Variants in DYNC2I1 observed in about 807,000 individuals in gnomAD.
DYNC2I1 encodes the protein dynein 2 intermediate chain 1, also known as cytoplasmic dynein 2 intermediate chain 1.
In DYNC2I1, 89 loss-of-function variants were observed where a neutral mutation model predicts 133.4. That is an observed-to-expected ratio of 0.67 (90% CI 0.56 to 0.80). DYNC2I1 has a LOEUF of 0.80. Among genes scored for constraint, DYNC2I1 ranks in the 30% least tolerant of loss-of-function variants. The pLI is 0.00. For synonymous variants in DYNC2I1, 504 were observed against 484.3 expected (o/e 1.04, Z -0.54); for missense variants, 1,291 against 1,314.5 (o/e 0.98, Z 0.28).
At position 158,934,205 on chromosome 7, in the gene DYNC2I1, C is replaced by T; in HGVS notation, c.2623C>T (p.His875Tyr). 3 of 1,612,336 alleles carry T rather than the reference C, an allele frequency of 1.9e-6. No individual in the cohort carries two copies. The highest frequency in any genetic ancestry group is 2.5e-6 in the Non-Finnish European group (3 of 1,179,438). Residue 875 changes from histidine to tyrosine, a missense_variant, in exon 22 of 25, where the codon CAC becomes TAC. His to Tyr is a moderately conservative substitution (Grantham distance 83). Coordinates refer to ENST00000407559, the MANE Select transcript of DYNC2I1 (RefSeq NM_018051.5). The part of the protein sequence containing the change: ...NVKFLPSDPN[H>Y]FIIGTDMGLI... The stretch of plus-strand genomic sequence containing the variant: ...TAAATTTCTGCCTTCAGATCCTAAT[C>T]ACTTTATTATTGGCACAGACATGGT...
At position 158,926,213 on chromosome 7, in the gene DYNC2I1, C is replaced by G; in HGVS notation, c.2284C>G (p.Arg762Gly). 6.2e-7 allele frequency: 1 copy of G among 1,613,402 alleles called. No individual in the cohort carries two copies. The highest frequency in any genetic ancestry group is 8.5e-7 in the Non-Finnish European group (1 of 1,179,694). ...TDGILTSVNH[R>G]SPLQAVEPIS... ...TGGAATCCTTACCTCAGTAAACCAC[C>G]GAAGCCCTCTTCAAGCAGTAGAACC... The change falls in exon 18 of 25, where the codon CGA becomes GGA. Residue 762 changes from arginine (R) to glycine (G), a missense_variant. Arg to Gly is a moderately radical substitution (Grantham distance 125). Coordinates refer to ENST00000407559, the MANE Select transcript of DYNC2I1 (RefSeq NM_018051.5).
At chr7:158,908,486 T>C (rs964475409) in intron 11 of DYNC2I1, among the ~76,000 whole-genome samples, 1 of 152,250 alleles carries the variant, frequency 6.6e-6, no homozygotes, top group African/African-American at 2.4e-5. Flanking sequence ...AAATATATGA[T>C]AGAGACTTAT....
intron 23 of DYNC2I1, among the ~76,000 whole-genome samples, chr7:158,937,608 TGA>T (rs1429756062): frequency 2.6e-5 from 2 of 75,692 alleles, no homozygotes; most frequent in Non-Finnish European, 5.2e-5. Context: ...GGTGACAGGG[TGA>T]GACTGTCTCA....
chr7:158,928,848 A>T (rs190776089), intron 20 of DYNC2I1, among the ~76,000 whole-genome samples: 1 of 152,260 alleles, frequency 6.6e-6, no homozygotes, highest in East Asian at 1.9e-4. Flanking sequence ...TTGTGACCTT[A>T]AGAGTGCGCC....
intron 11 of DYNC2I1, among the ~76,000 whole-genome samples, chr7:158,910,263 G>C (rs893202030): frequency 1.3e-5 from 2 of 152,238 alleles, no homozygotes; most frequent in African/African-American, 4.8e-5. Flanking sequence ...GCGTTTCGGG[G>C]CCTGTGGGCA....
At chr7:158,920,064 T>A (rs1848874496) in intron 15 of DYNC2I1, among the ~76,000 whole-genome samples, 2 of 147,304 alleles carry the variant, frequency 1.4e-5, no homozygotes, top group African/African-American at 2.6e-5. Flanking sequence ...ACACGTGAAG[T>A]GTGTGTGTGT....
At chr7:158,873,867 G>A (rs1188716827) in intron 3 of DYNC2I1, among the ~76,000 whole-genome samples, 2 of 151,038 alleles carry the variant, frequency 1.3e-5, no homozygotes, top group Non-Finnish European at 3.0e-5. Flanking sequence ...AGTGATTCCC[G>A]TGCCTCAGCC....
chr7:158,921,303 G>A (rs1849057705), intron 15 of DYNC2I1, among the ~76,000 whole-genome samples: 1 of 152,164 alleles, frequency 6.6e-6, no homozygotes, highest in African/African-American at 2.4e-5. Flanking sequence ...TGTGTCTTGG[G>A]TAGAAGCGAG....
At chr7:158,861,879 G>A (rs1841895755) in intron 1 of DYNC2I1, among the ~76,000 whole-genome samples, 2 of 152,172 alleles carry the variant, frequency 1.3e-5, no homozygotes, top group Admixed American at 6.5e-5. Flanking sequence ...ACCAGGGAGC[G>A]TCAGTTACAC....
chr7:158,907,164 GA>G (rs150638362), intron 11 of DYNC2I1, among the ~76,000 whole-genome samples: 44,179 of 128,298 alleles, frequency 0.34, 8,921 homozygotes, highest in East Asian at 0.67. Context: ...TCTCAAAAAA[GA>G]AAAAAAAAAA....
At chr7:158,917,649 C>A (rs546675570) in intron 14 of DYNC2I1, among the ~76,000 whole-genome samples, 2 of 143,746 alleles carry the variant, frequency 1.4e-5, no homozygotes, top group South Asian at 4.4e-4. Context: ...CCCTCCGCCT[C>A]TCGCTAAACA....
chr7:158,929,406 C>T (rs1037336461), intron 20 of DYNC2I1, among the ~76,000 whole-genome samples: 3 of 149,734 alleles, frequency 2.0e-5, no homozygotes, highest in Non-Finnish European at 4.4e-5. Flanking sequence ...GAAAGGCTGC[C>T]CGTGGGCGGT....
chr7:158,930,513 C>G lies in DYNC2I1; in HGVS notation c.2544C>G (p.Asp848Glu). 1 of 1,612,320 alleles carries G rather than the reference C, an allele frequency of 6.2e-7. No individual in the cohort carries two copies. The highest frequency in any genetic ancestry group is 1.7e-4 in the Middle Eastern group (1 of 6,060). ...LVHSALIQLG[D>E]SLSHKGNEFW... ...ATAGTGCTCTGATCCAGTTGGGTGA[C>G]AGGTAAGATGTGAGGGAAAATGCTT... The change falls in exon 21 of 25, where the codon GAC becomes GAG. Residue 848 changes from aspartate to glutamate, a missense_variant and splice_region_variant. Asp to Glu is a conservative substitution (Grantham distance 45, BLOSUM62 2). Transcript: ENST00000407559.
intron 17 of DYNC2I1, among the ~76,000 whole-genome samples, chr7:158,925,294 G>A (rs935787507): frequency 1.3e-5 from 2 of 152,028 alleles, no homozygotes; most frequent in Non-Finnish European, 2.9e-5. Context: ...TCTTTCCTGA[G>A]TTCAATCCCA....
chr7:158,869,724 G>C, intron 1 of DYNC2I1, 131 bp from the exon 2 acceptor site: 2 of 644,852 alleles, frequency 3.1e-6, no homozygotes, highest in Non-Finnish European at 5.4e-6. Flanking sequence ...TATTCCAGGA[G>C]GTAGAGAAGT....
At chr7:158,951,479 G>A (rs1042953589) in intron 4 of DYNC2I1, among the ~76,000 whole-genome samples, 1 of 152,246 alleles carries the variant, frequency 6.6e-6, no homozygotes, top group Non-Finnish European at 1.5e-5. Flanking sequence ...TGCAGGTGCT[G>A]GGAGCGTGAG....
chr7:158,923,686 C>T lies in DYNC2I1; in HGVS notation c.2210C>T (p.Thr737Met), dbSNP rs138296655. Residue 737 changes from threonine (T) to methionine (M), a missense_variant, in exon 17 of 25, where the codon ACG (threonine) becomes ATG (methionine). By Grantham distance (81) the Thr-to-Met change is moderately conservative. Coordinates refer to ENST00000407559, the MANE Select transcript of DYNC2I1 (RefSeq NM_018051.5). ...REDSRLHYSV[T>M]LSDGFWTFRT... The stretch of plus-strand genomic sequence containing the variant: ...GACTCAAGGCTGCATTACTCTGTGA[C>T]GCTGAGCGATGGCTTCTGGACGTTC... 882 of 1,613,970 alleles carry T rather than the reference C, an allele frequency of 5.5e-4. No individual in the cohort carries two copies. In the African/African-American group the frequency reaches 6.6e-3, roughly 12 times the overall value.
rs767577574 is a variant in DYNC2I1 at position 158,879,818 on chromosome 7, AAG to A, written c.714_715del (p.Lys239IlefsTer7). 2.5e-6 allele frequency: 4 copies of A among 1,613,266 alleles called. No individual in the cohort carries two copies. The highest frequency in any genetic ancestry group is 3.4e-6 in the Non-Finnish European group (4 of 1,179,620). The part of the protein sequence containing the change: ...HREKSSTREK[R>X]EKYSKEKSNS... ...GAGAAAAAAGCAGCACAAGGGAAAA[AAG>A]AGAGAAATATTCCAAAGAGAAAAGT... On this transcript the variant is annotated frameshift_variant, in exon 5 of 25. Transcript: ENST00000407559. LOFTEE classifies it high-confidence loss of function.
intron 4 of DYNC2I1, among the ~76,000 whole-genome samples, chr7:158,878,485 G>A (rs1843614235): frequency 7.1e-6 from 1 of 140,098 alleles, no homozygotes; most frequent in Non-Finnish European, 1.5e-5. Flanking sequence ...CGGGTGCCAT[G>A]TGGAGGGGCC....
Sources: allele counts gnomAD v4.1 joint callset (sites outside exome capture counted in the v4.1 genomes callset), GRCh38; gene constraint gnomAD v4.1.1; transcripts MANE v1.5; gene names NCBI Gene and HGNC (gene_info 2026-07-23, HGNC 2026-07-21).